The following NELL1 variants were observed in gnomAD, a reference collection of about 807,000 sequenced individuals.
NELL1 encodes the protein protein kinase C-binding protein NELL1.
A neutral mutation model predicts 107.4 loss-of-function variants in NELL1; 76 were observed. The observed-to-expected ratio is 0.71, with a 90% CI of 0.59 to 0.86. The LOEUF (loss-of-function observed/expected upper bound fraction) is 0.86, where lower values mean the gene tolerates loss of function less well. Among genes scored for constraint, NELL1 ranks in the 40% least tolerant of loss-of-function variants. The pLI, the probability that NELL1 is intolerant of heterozygous loss-of-function variation, is 0.00. For missense variants in NELL1, 1,024 were observed against 1,005.5 expected, an observed-to-expected ratio of 1.02 and a Z score of -0.25; for synonymous variants, 353 against 341.2, an observed-to-expected ratio of 1.03 and a Z score of -0.38.
At chr11:21,492,549 T>C (rs1590975492) in intron 15 of NELL1, among the ~76,000 whole-genome samples, 1 of 151,598 alleles carries the variant, frequency 6.6e-6, no homozygotes, top group Admixed American at 6.6e-5. Context: ...ATATACACCA[T>C]GGAATACTAT....
At chr11:21,284,423 T>C (rs1310391592) in intron 14 of NELL1, 1 of 457,434 alleles carries the variant, frequency 2.2e-6, no homozygotes, top group Non-Finnish European at 4.4e-6. Flanking sequence ...GAAGATGGGA[T>C]GCAAAAAAGT....
At chr11:21,076,430 C>T (rs973900113) in intron 12 of NELL1, among the ~76,000 whole-genome samples, 1 of 152,146 alleles carries the variant, frequency 6.6e-6, no homozygotes, top group Non-Finnish European at 1.5e-5. Context: ...GGAAATAGTA[C>T]ATGTGTTAGG....
chr11:21,100,738 A>G (rs1001495820), intron 12 of NELL1, among the ~76,000 whole-genome samples: 25 of 152,310 alleles, frequency 1.6e-4, no homozygotes, highest in African/African-American at 5.8e-4. Context: ...GCTATACCAT[A>G]GCAGCTTTGC....
intron 2 of NELL1, among the ~76,000 whole-genome samples, chr11:20,705,996 T>C (rs749035175): frequency 6.6e-6 from 1 of 152,154 alleles, no homozygotes; most frequent in African/African-American, 2.4e-5. Flanking sequence ...GAATGGCGAT[T>C]ATTAAAAAGT....
In NELL1 at chr11:20,693,133, T is replaced by G. The variant is rs201023008; in HGVS notation, c.184+15073T>G. Among the ~76,000 whole-genome samples the G allele has an allele frequency of 9.2e-3, 1,397 of 151,994 alleles. 22 individuals carry two copies. The highest frequency in any genetic ancestry group is 0.035 in the Admixed American group (539 of 15,232). On this transcript the variant is annotated intron_variant, in intron 2 of 19. Coordinates refer to ENST00000357134, the MANE Select transcript of NELL1 (RefSeq NM_006157.5). ...CCCCTGCCTTTTTTTGTTTTCCATT[T>G]GCTTGGTAGATCTTCCTCCATCCTT... is the stretch of plus-strand genomic sequence containing the variant.
At chr11:20,925,907 G>C (rs905094546) in intron 7 of NELL1, among the ~76,000 whole-genome samples, 11 of 152,124 alleles carry the variant, frequency 7.2e-5, no homozygotes, top group African/African-American at 2.7e-4. Context: ...GTCAGAGGAA[G>C]GTGTATGAAA....
At chr11:21,000,232 A>G (rs920944445) in intron 12 of NELL1, among the ~76,000 whole-genome samples, 1 of 151,560 alleles carries the variant, frequency 6.6e-6, no homozygotes, top group South Asian at 2.1e-4. Flanking sequence ...AACCTACACA[A>G]TGTGCACATG....
chr11:21,348,398 G>C (rs1850731784), intron 14 of NELL1, among the ~76,000 whole-genome samples: 1 of 152,144 alleles, frequency 6.6e-6, no homozygotes, highest in Admixed American at 6.5e-5. Context: ...CAGAAATGAG[G>C]ATTTTAGGGC....
At chr11:21,463,935 G>A (rs985939390) in intron 15 of NELL1, among the ~76,000 whole-genome samples, 2 of 152,036 alleles carry the variant, frequency 1.3e-5, no homozygotes, top group African/African-American at 4.8e-5. Flanking sequence ...AAACTGGGCT[G>A]GGATGATTTA....
intron 5 of NELL1, among the ~76,000 whole-genome samples, chr11:20,908,630 A>G (rs1003838172): frequency 1.3e-5 from 2 of 152,156 alleles, no homozygotes; most frequent in African/African-American, 2.4e-5. Context: ...ACGTATACCT[A>G]TGTAACAAAC....
intron 14 of NELL1, among the ~76,000 whole-genome samples, chr11:21,277,086 G>C: frequency 6.6e-6 from 1 of 151,268 alleles, no homozygotes; most frequent in Non-Finnish European, 1.5e-5. Flanking sequence ...CACAGCAAAA[G>C]AAACTACCAT....
chr11:21,278,621 C>T (rs1848923299), intron 14 of NELL1, among the ~76,000 whole-genome samples: 1 of 151,882 alleles, frequency 6.6e-6, no homozygotes, highest in Non-Finnish European at 1.5e-5. Flanking sequence ...CTATAAAACT[C>T]AGTTTAAAAA....
chr11:21,180,602 T>C (rs1856806872), intron 13 of NELL1, among the ~76,000 whole-genome samples: 2 of 151,840 alleles, frequency 1.3e-5, no homozygotes, highest in East Asian at 1.9e-4. Flanking sequence ...AGGGTTCAAT[T>C]TGAAGGGAGA....
At chr11:21,197,744 G>A (rs1422567576) in intron 13 of NELL1, among the ~76,000 whole-genome samples, 5 of 152,106 alleles carry the variant, frequency 3.3e-5, no homozygotes, top group Non-Finnish European at 5.9e-5. Context: ...TCACTTTAAC[G>A]ATGGGAGACT....
chr11:21,060,788 G>A (rs185821496), intron 12 of NELL1, among the ~76,000 whole-genome samples: 2 of 152,172 alleles, frequency 1.3e-5, no homozygotes, highest in Non-Finnish European at 2.9e-5. Flanking sequence ...TGCAACCTTC[G>A]CCTCCCAGGT....
At chr11:21,043,486 A>G (rs1362209242) in intron 12 of NELL1, among the ~76,000 whole-genome samples, 2 of 152,146 alleles carry the variant, frequency 1.3e-5, no homozygotes, top group Admixed American at 6.6e-5. Context: ...CATGATGTCC[A>G]TGTAAGGGTT....
chr11:21,230,069 C>G (rs1858003040), intron 14 of NELL1, among the ~76,000 whole-genome samples: 1 of 152,204 alleles, frequency 6.6e-6, no homozygotes, highest in Admixed American at 6.5e-5. Context: ...GTTGTTGCCT[C>G]AGCCACAATG....
chr11:21,528,174 G>A (rs1286808581), intron 15 of NELL1, among the ~76,000 whole-genome samples: 1 of 152,140 alleles, frequency 6.6e-6, no homozygotes, highest in Admixed American at 6.5e-5. Flanking sequence ...AATATCACTT[G>A]CCTAATGAAT....
At chr11:21,142,864 C>T (rs540394344) in intron 13 of NELL1, among the ~76,000 whole-genome samples, 18 of 152,264 alleles carry the variant, frequency 1.2e-4, no homozygotes, top group Middle Eastern at 6.8e-3. Flanking sequence ...TGTTGCTGAA[C>T]CTAATCCTAA....
Sources: allele counts gnomAD v4.1 joint callset (sites outside exome capture counted in the v4.1 genomes callset), GRCh38; gene constraint gnomAD v4.1.1; transcripts MANE v1.5; gene names NCBI Gene and HGNC (gene_info 2026-07-23, HGNC 2026-07-21).